EYS: variants seen among roughly 807,000 people sequenced by gnomAD.
EYS encodes the protein EGF-like photoreceptor maintenance factor, also known as protein eyes shut homolog.
Under a neutral mutation model 282.1 loss-of-function variants are expected in EYS, and 250 were observed. The ratio of observed to expected loss-of-function variants is 0.89; its 90% CI spans 0.80 to 0.98. The LOEUF (loss-of-function observed/expected upper bound fraction) is 0.98. EYS is among the 50% of genes least tolerant of loss of function. The pLI is 0.00. For synonymous variants in EYS, 1,355 were observed against 1,282.9 expected (o/e 1.06, Z -1.20); for missense variants, 4,016 against 3,709.0 (o/e 1.08, Z -2.15).
At chr6:64,845,654 T>G (rs534254695) in intron 19 of EYS, among the ~76,000 whole-genome samples, 1 of 152,232 alleles carries the variant, frequency 6.6e-6, no homozygotes, top group South Asian at 2.1e-4. Context: ...CGAAAATTCA[T>G]TTGAAGTCAT....
chr6:64,659,645 A>T (rs1768915905), intron 22 of EYS, among the ~76,000 whole-genome samples: 1 of 152,210 alleles, frequency 6.6e-6, no homozygotes, highest in Non-Finnish European at 1.5e-5. Flanking sequence ...GAATAAATAT[A>T]TAAATTCCTT....
At chr6:64,909,979 T>C (rs1226423870) in intron 16 of EYS, among the ~76,000 whole-genome samples, 1 of 152,110 alleles carries the variant, frequency 6.6e-6, no homozygotes, top group Admixed American at 6.5e-5. Context: ...ATACTCATAT[T>C]TATCTAGTGA....
At chr6:63,830,923 A>G (rs762052003) in intron 36 of EYS, among the ~76,000 whole-genome samples, 3 of 152,226 alleles carry the variant, frequency 2.0e-5, no homozygotes, top group Non-Finnish European at 2.9e-5. Context: ...AACATTCTTA[A>G]AGAAAAGGAT....
intron 2 of EYS, among the ~76,000 whole-genome samples, chr6:65,506,077 A>G (rs1562228373): frequency 6.6e-6 from 1 of 152,156 alleles, no homozygotes; most frequent in Admixed American, 6.6e-5. Context: ...GCATGCACAT[A>G]TAGGATTGTT....
chr6:65,149,610 CA>C (rs746524864), intron 12 of EYS, among the ~76,000 whole-genome samples: 45 of 151,954 alleles, frequency 3.0e-4, no homozygotes, highest in Non-Finnish European at 6.0e-4. Context: ...GGCTGGACTT[CA>C]TTGTCCAAAT....
chr6:65,160,697 A>C (rs569211517), intron 12 of EYS, among the ~76,000 whole-genome samples: 3 of 150,902 alleles, frequency 2.0e-5, no homozygotes, highest in Non-Finnish European at 4.5e-5. Context: ...CATTTGAATA[A>C]ATTTTTTATT....
Position 65,560,182 on chromosome 6 carries a change from GTAA to G in EYS, c.-332-64192_-332-64190del, listed in dbSNP as rs200721815. On this transcript the variant is annotated intron_variant, in intron 2 of 42. Transcript: ENST00000503581. ...AGCTATGTCAATCACTATAATACTT[GTAA>G]TAATAATATTTATACTTATATTTAT... Among the ~76,000 whole-genome samples, 1,373 of 142,126 alleles carry G rather than the reference GTAA, an allele frequency of 9.7e-3. 15 individuals are homozygous for G. Among genetic ancestry groups the G allele is most frequent in the Non-Finnish European group, 0.012 (806 of 66,184 alleles). 93.2% of individuals were successfully genotyped at this position (142,126 alleles called of 152,430 possible).
At chr6:63,904,366 G>A (rs1034849050) in intron 35 of EYS, among the ~76,000 whole-genome samples, 11 of 151,678 alleles carry the variant, frequency 7.3e-5, no homozygotes, top group African/African-American at 2.7e-4. Flanking sequence ...AGTGACCCTT[G>A]TTATGACTTA....
intron 14 of EYS, among the ~76,000 whole-genome samples, chr6:64,958,759 A>G (rs1769811733): frequency 6.6e-6 from 1 of 150,390 alleles, no homozygotes; most frequent in African/African-American, 2.4e-5. Flanking sequence ...AAAAAAAAAA[A>G]AAAAGAAACA....
rs111446667 is a variant in EYS at position 65,475,748 on chromosome 6, G to GACACACACACACACAC, written c.862+14845_862+14846insGTGTGTGTGTGTGTGT. Among the ~76,000 whole-genome samples the GACACACACACACACAC allele has an allele frequency of 4.9e-5, 6 of 121,506 alleles. No individual in the cohort carries two copies. The South Asian group carries it at 1.6e-3, about 32-fold the overall frequency. The allele number at this position is 121,506 out of a possible 152,430, so 79.7% of individuals were successfully genotyped here. ...TTTTGTACCCCCTGACAGACAGACA[G>GACACACACACACACAC]ACAGACAGACACACACACACACACA... On this transcript the variant is annotated intron_variant, in intron 5 of 42. Transcript: ENST00000503581.
At chr6:64,721,844 T>C (rs1215258276) in intron 22 of EYS, among the ~76,000 whole-genome samples, 1 of 152,186 alleles carries the variant, frequency 6.6e-6, no homozygotes, top group Non-Finnish European at 1.5e-5. Flanking sequence ...TTCCATCGCA[T>C]CTAGGCCTTA....
intron 41 of EYS, among the ~76,000 whole-genome samples, chr6:63,749,575 TC>T (rs995830581): frequency 4.5e-4 from 69 of 152,150 alleles, no homozygotes; most frequent in Non-Finnish European, 8.5e-4. Flanking sequence ...CTACAGATGC[TC>T]CCATTCCAAA....
At chr6:64,301,515 C>T (rs566617203) in intron 30 of EYS, among the ~76,000 whole-genome samples, 2 of 152,228 alleles carry the variant, frequency 1.3e-5, no homozygotes, top group East Asian at 1.9e-4. Context: ...GCTCACATAC[C>T]GGAACTAAAA....
intron 2 of EYS, among the ~76,000 whole-genome samples, chr6:65,603,210 A>G (rs1765669854): frequency 6.6e-6 from 1 of 151,980 alleles, no homozygotes; most frequent in Non-Finnish European, 1.5e-5. Context: ...AGAGACAGAC[A>G]AATAAACACA....
intron 5 of EYS, among the ~76,000 whole-genome samples, chr6:65,442,847 CATACAT>C (rs1407622308): frequency 6.5e-5 from 9 of 138,678 alleles, no homozygotes; most frequent in Admixed American, 1.5e-4. Context: ...TACATATACA[CATACAT>C]ATGTACATAT....
intron 36 of EYS, among the ~76,000 whole-genome samples, chr6:63,839,626 G>A (rs1250245201): frequency 3.9e-5 from 6 of 152,162 alleles, no homozygotes; most frequent in Non-Finnish European, 7.3e-5. Flanking sequence ...TGACATTACA[G>A]GTATGAGTCA....
At chr6:65,330,904 C>T in intron 11 of EYS, 1 of 977,132 alleles carries the variant, frequency 1.0e-6, no homozygotes, top group Non-Finnish European at 1.2e-6. Flanking sequence ...TGAGCCATTT[C>T]CTCAATACCA....
intron 31 of EYS, among the ~76,000 whole-genome samples, chr6:64,153,368 A>G (rs1242930432): frequency 1.3e-5 from 2 of 152,148 alleles, no homozygotes; most frequent in Non-Finnish European, 2.9e-5. Context: ...AGAAAGCAGA[A>G]CTATATGTAT....
At chr6:65,348,823 C>A (rs1310129449) in intron 9 of EYS, among the ~76,000 whole-genome samples, 2 of 151,584 alleles carry the variant, frequency 1.3e-5, no homozygotes, top group East Asian at 1.9e-4. Flanking sequence ...CCAATGTTTT[C>A]TTTTAGTAGT....
Sources: allele counts gnomAD v4.1 joint callset (sites outside exome capture counted in the v4.1 genomes callset), GRCh38; gene constraint gnomAD v4.1.1; transcripts MANE v1.5; gene names NCBI Gene and HGNC (gene_info 2026-07-23, HGNC 2026-07-21).